Variants in ITGB8 observed in about 807,000 individuals in gnomAD.
ITGB8 encodes the protein integrin subunit beta 8.
A neutral mutation model predicts 89.5 loss-of-function variants in ITGB8; 30 were observed. The observed-to-expected ratio is 0.34, with a 90% CI of 0.25 to 0.45. The LOEUF is 0.45. Among genes scored for constraint, ITGB8 ranks in the 20% least tolerant of loss-of-function variants. The probability of loss-of-function intolerance (pLI) is 1.00; values close to 1 mark genes in which losing one functional copy is unlikely to be tolerated. For missense variants in ITGB8, 836 were observed against 933.3 expected (o/e 0.90, Z 1.36); for synonymous variants, 335 against 320.4 (o/e 1.05, Z -0.49).
chr7:20,406,218 G>T (rs780170664), intron 12 of ITGB8, 47 bp downstream of exon 12: 1 of 1,163,182 alleles, frequency 8.6e-7, no homozygotes, highest in Admixed American at 1.7e-5. Flanking sequence ...GTCTGTAGAG[G>T]ATGATGTTCC....
chr7:20,393,078 C>G (rs76063092), intron 7 of ITGB8, among the ~76,000 whole-genome samples: 2,956 of 152,266 alleles, frequency 0.019, 104 homozygotes, highest in African/African-American at 0.067. Context: ...TTTTGGGAGG[C>G]TAAATATTTG....
Position 20,401,994 on chromosome 7 carries a change from G to A in ITGB8, c.1555G>A (p.Val519Ile), listed in dbSNP as rs777189717. ...ESCKSHKDQPVCSGRGVCVCG... is the reference protein window; with the variant it reads ...ESCKSHKDQPICSGRGVCVCG... ...TTGCAAGTCACACAAGGATCAGCCT[G>A]TTTGCAGTGGTCGAGGAGTTTGTGT... is the stretch of plus-strand genomic sequence containing the variant. The change falls in exon 10 of 14, where the codon GTT (valine) becomes ATT (isoleucine). Residue 519 changes from valine (V) to isoleucine (I), a missense_variant. By Grantham distance (29) the Val-to-Ile change is conservative. Transcript: ENST00000222573. 1 of 1,614,178 alleles carries A rather than the reference G, an allele frequency of 6.2e-7. No individual in the cohort carries two copies. The highest frequency in any genetic ancestry group is 8.5e-7 in the Non-Finnish European group (1 of 1,180,018).
At chr7:20,370,600 T>TTTATTATTATTATTA (rs67123203) in intron 3 of ITGB8, among the ~76,000 whole-genome samples, 3 of 144,406 alleles carry the variant, frequency 2.1e-5, no homozygotes, top group African/African-American at 7.7e-5. Context: ...TATTTACTTA[T>TTTATTATTATTATTA]TTATTATTAT....
intron 6 of ITGB8, among the ~76,000 whole-genome samples, chr7:20,387,727 T>A (rs925256259): frequency 3.9e-5 from 6 of 152,164 alleles, no homozygotes; most frequent in Non-Finnish European, 8.8e-5. Flanking sequence ...ATAAAAAATA[T>A]ATCCAGCCCA....
chr7:20,334,050 C>A (rs1277026408), intron 1 of ITGB8, among the ~76,000 whole-genome samples: 2 of 152,164 alleles, frequency 1.3e-5, no homozygotes, highest in Non-Finnish European at 2.9e-5. Flanking sequence ...AGACCAGAAG[C>A]TGCATAAGAC....
At chr7:20,354,908 G>C (rs1583482719) in intron 1 of ITGB8, among the ~76,000 whole-genome samples, 1 of 152,154 alleles carries the variant, frequency 6.6e-6, no homozygotes, top group East Asian at 1.9e-4. Flanking sequence ...CGTTAGTTAA[G>C]AACAGGCAGG....
intron 10 of ITGB8, among the ~76,000 whole-genome samples, 178 bp from the exon 11 acceptor site, chr7:20,404,450 A>G (rs2127985032): frequency 6.6e-6 from 1 of 152,352 alleles, no homozygotes; most frequent in Non-Finnish European, 1.5e-5. Flanking sequence ...AACAGCTTTG[A>G]AAACAGACCC....
At chr7:20,384,962 G>C (rs7807169) in intron 6 of ITGB8, among the ~76,000 whole-genome samples, 2 of 152,202 alleles carry the variant, frequency 1.3e-5, no homozygotes, top group Non-Finnish European at 2.9e-5. Context: ...ATAGTTTTAT[G>C]ATTTATCCAG....
chr7:20,380,532 T>C (rs1786336287), intron 4 of ITGB8, 134 bp from the exon 5 acceptor site: 1 of 669,168 alleles, frequency 1.5e-6, no homozygotes. Context: ...TAAGCATAGA[T>C]TTTCGTCGTA....
At chr7:20,369,772 G>A (rs1785852698) in intron 3 of ITGB8, among the ~76,000 whole-genome samples, 1 of 152,112 alleles carries the variant, frequency 6.6e-6, no homozygotes, top group Non-Finnish European at 1.5e-5. Context: ...CAAGCATGGT[G>A]TAATAAAATT....
At chr7:20,405,508 C>G (rs1015773230) in intron 11 of ITGB8, among the ~76,000 whole-genome samples, 1 of 149,604 alleles carries the variant, frequency 6.7e-6, no homozygotes, top group Admixed American at 6.7e-5. Context: ...TTAGTAGAGA[C>G]GGGGTTTCAC....
chr7:20,360,511 C>T (rs1785459722), intron 1 of ITGB8, among the ~76,000 whole-genome samples: 1 of 152,000 alleles, frequency 6.6e-6, no homozygotes, highest in Non-Finnish European at 1.5e-5. Context: ...CCAAACCCTT[C>T]TTCTGAGTTT....
chr7:20,351,444 T>A (rs1202785108), intron 1 of ITGB8, among the ~76,000 whole-genome samples: 3 of 152,230 alleles, frequency 2.0e-5, no homozygotes, highest in Non-Finnish European at 4.4e-5. Flanking sequence ...ACTTTCCTCA[T>A]GGGAGCTTTA....
Position 20,381,879 on chromosome 7 carries a change from A to C in ITGB8, c.954A>C (p.Thr318=). 2 of 1,611,428 alleles carry C rather than the reference A, an allele frequency of 1.2e-6. No individual in the cohort carries two copies. The highest frequency in any genetic ancestry group is 1.7e-6 in the Non-Finnish European group (2 of 1,179,164). The stretch of plus-strand genomic sequence containing the variant: ...AAAACAACGTCTATGTCAAATCGAC[A>C]ACCATGGTAATGCAGCAGTAACCGC... ...HLKNNVYVKS[T]TMEHPSLGQL... Residue 318 remains threonine (T), a synonymous_variant, in exon 6 of 14, where the codon ACA becomes ACC. Transcript: ENST00000222573.
rs1380299253 is a variant in ITGB8, at chr7:20,412,195, C to G, written c.*2198C>G. 1.3e-5 allele frequency: 2 copies of G among 152,560 alleles called. No individual in the cohort carries two copies. Among genetic ancestry groups the G allele is most frequent in the Non-Finnish European group, 2.9e-5 (2 of 68,028 alleles). 9.5% of individuals were successfully genotyped at this position (152,560 alleles called of 1,614,324 possible). A position where few individuals can be genotyped will look rare whatever the true frequency, so the allele number is the denominator to read the frequency against. ...AAACACAGCAGCTCTGTTAGATGTC[C>G]TCTACAGCCAAGCACTTTCAATGCT... On this transcript the variant is annotated 3_prime_UTR_variant, in exon 14 of 14. Transcript: ENST00000222573.
At chr7:20,345,392 T>A (rs201944064) in intron 1 of ITGB8, among the ~76,000 whole-genome samples, 2 of 150,160 alleles carry the variant, frequency 1.3e-5, no homozygotes. Context: ...ACAGACAAAA[T>A]AAAAAAAAAC....
At position 20,401,949 on chromosome 7, in the gene ITGB8, G is replaced by T. The variant is rs1441301436; in HGVS notation, c.1510G>T (p.Asp504Tyr). Reference protein sequence around the residue: ...CDENKCHFDEDQFSSESCKSH... With the variant: ...CDENKCHFDEYQFSSESCKSH... ...TGAGAATAAATGTCATTTTGATGAA[G>T]ATCAGTTTTCTTCTGAGAGTTGCAA... Residue 504 changes from aspartate to tyrosine, a missense_variant, in exon 10 of 14, where the codon GAT becomes TAT. Physicochemically the swap from Asp to Tyr is radical, Grantham distance 160. Around this residue, in one of 5 missense-constraint regions of ITGB8, gnomAD observed 422 missense variants for 416.9 expected, o/e 1.01. Transcript: ENST00000222573. 6.2e-7 allele frequency: 1 copy of T among 1,614,054 alleles called. No homozygotes were observed. Among genetic ancestry groups the T allele is most frequent in the Non-Finnish European group, 8.5e-7 (1 of 1,180,020 alleles).
intron 1 of ITGB8, among the ~76,000 whole-genome samples, chr7:20,350,878 T>G (rs751865603): frequency 2.0e-5 from 3 of 152,150 alleles, no homozygotes; most frequent in Admixed American, 2.0e-4. Context: ...AGAAACATGG[T>G]TGTAAAAGGA....
chr7:20,353,715 C>T lies in ITGB8; in HGVS notation c.128-9922C>T, dbSNP rs559439200. Among the ~76,000 whole-genome samples the T allele has an allele frequency of 1.4e-3, 207 of 147,104 alleles. 3 individuals carry two copies. In the South Asian group the frequency reaches 0.016, roughly 11 times the overall value. On this transcript the variant is annotated intron_variant, in intron 1 of 13. Coordinates refer to ENST00000222573, the MANE Select transcript of ITGB8 (RefSeq NM_002214.3). Reference sequence around the variant, plus strand: ...TTGGGAGGCCGAGGCGGGCGGATCACGAGGTCAGGAGATCGAGACCATCCT... The same window carrying T: ...TTGGGAGGCCGAGGCGGGCGGATCATGAGGTCAGGAGATCGAGACCATCCT...
Sources: gnomAD v4.1 joint callset for allele counts (sites outside exome capture counted in the v4.1 genomes callset) on GRCh38, gnomAD v4.1.1 for gene constraint, gnomAD v4.1.1 regional missense constraint, MANE v1.5 for transcripts, NCBI Gene and HGNC (gene_info 2026-07-23, HGNC 2026-07-21) for gene names.